EDIL3: variants seen among roughly 807,000 people sequenced by gnomAD.
EDIL3 encodes the protein EGF like and discoidin domains 3, also known as EGF-like repeat and discoidin I-like domain-containing protein 3.
A neutral mutation model predicts 67.4 loss-of-function variants in EDIL3; 37 were observed. The observed-to-expected ratio is 0.55, with a 90% CI of 0.42 to 0.72. The LOEUF is 0.72. EDIL3 is among the 30% of genes least tolerant of loss of function. The pLI is 0.00. For missense variants in EDIL3, 527 were observed against 586.3 expected (o/e 0.90, Z 1.04); for synonymous variants, 195 against 196.3 (o/e 0.99, Z 0.05).
chr5:83,963,814 T>A (rs902245643), intron 9 of EDIL3, among the ~76,000 whole-genome samples: 1 of 151,816 alleles, frequency 6.6e-6, no homozygotes, highest in East Asian at 1.9e-4. Flanking sequence ...TGTGTCCACA[T>A]CAGGGACAAA....
chr5:84,013,754 T>C (rs1377028698), intron 9 of EDIL3, among the ~76,000 whole-genome samples: 2 of 152,166 alleles, frequency 1.3e-5, no homozygotes, highest in Non-Finnish European at 2.9e-5. Context: ...GTGTATGATA[T>C]ACAAATATAC....
rs548036703 is a variant in EDIL3, at chr5:84,026,238, A to G, written c.1137+34062T>C. Among the ~76,000 whole-genome samples, 83 of 152,296 alleles carry G rather than the reference A, an allele frequency of 5.4e-4. 1 individual carries two copies. Among genetic ancestry groups the G allele is most frequent in the African/African-American group, 1.8e-3 (74 of 41,572 alleles). On this transcript the variant is annotated intron_variant, in intron 9 of 10. Transcript: ENST00000296591. ...TTGTAGGACACCACTGTTGGAGAAT[A>G]TAAGATTTCTGTTTTGATCCCACAG...
intron 9 of EDIL3, among the ~76,000 whole-genome samples, chr5:84,013,688 G>C (rs1357823318): frequency 6.6e-6 from 1 of 152,152 alleles, no homozygotes; most frequent in Admixed American, 6.5e-5. Flanking sequence ...ATGGTGGTAT[G>C]CATAAGTAGA....
chr5:84,027,402 T>C (rs1451557592), intron 9 of EDIL3, among the ~76,000 whole-genome samples: 2 of 152,300 alleles, frequency 1.3e-5, no homozygotes, highest in East Asian at 3.9e-4. Flanking sequence ...AAACATATGC[T>C]GTAAGAATTC....
At chr5:83,945,313 C>A (rs1381966495) in intron 10 of EDIL3, among the ~76,000 whole-genome samples, 1 of 151,942 alleles carries the variant, frequency 6.6e-6, no homozygotes, top group South Asian at 2.1e-4. Flanking sequence ...GTTGCTACTG[C>A]AACAGCAGAA....
intron 1 of EDIL3, among the ~76,000 whole-genome samples, chr5:84,328,753 G>T (rs1746815702): frequency 6.6e-6 from 1 of 152,048 alleles, no homozygotes; most frequent in Non-Finnish European, 1.5e-5. Flanking sequence ...CCTAACTGAG[G>T]TAAAATTCAA....
chr5:84,142,984 T>A (rs1240522040), intron 4 of EDIL3, among the ~76,000 whole-genome samples: 1 of 152,018 alleles, frequency 6.6e-6, no homozygotes, highest in East Asian at 1.9e-4. Flanking sequence ...TAACAACACA[T>A]CTTCCCTGGG....
At chr5:84,223,295 A>G (rs1276863559) in intron 3 of EDIL3, among the ~76,000 whole-genome samples, 1 of 151,738 alleles carries the variant, frequency 6.6e-6, no homozygotes, top group Admixed American at 6.6e-5. Context: ...TCTTTTCAGT[A>G]TATGCCCAGA....
chr5:84,254,244 T>C (rs1353562216), intron 1 of EDIL3, 32 bp from the exon 2 acceptor site: 3 of 1,557,546 alleles, frequency 1.9e-6, no homozygotes, highest in Non-Finnish European at 2.6e-6. Context: ...AAATTGACAT[T>C]TTTTTTTTGT....
chr5:84,150,269 A>C (rs1291934267), intron 4 of EDIL3, among the ~76,000 whole-genome samples: 4 of 152,216 alleles, frequency 2.6e-5, no homozygotes, highest in African/African-American at 9.6e-5. Flanking sequence ...TGTAGATTAC[A>C]AAGTGAAACT....
At chr5:84,367,344 G>A (rs1406194583) in intron 1 of EDIL3, among the ~76,000 whole-genome samples, 1 of 152,102 alleles carries the variant, frequency 6.6e-6, no homozygotes, top group Admixed American at 6.6e-5. Context: ...TGTGATCACA[G>A]CTCATTGCAG....
chr5:83,994,688 A>C (rs1745207349), intron 9 of EDIL3, among the ~76,000 whole-genome samples: 1 of 152,156 alleles, frequency 6.6e-6, no homozygotes, highest in African/African-American at 2.4e-5. Context: ...TTTCCAAATT[A>C]CTTCTTGCCT....
At chr5:84,026,535 T>C (rs534773335) in intron 9 of EDIL3, among the ~76,000 whole-genome samples, 7 of 152,324 alleles carry the variant, frequency 4.6e-5, no homozygotes, top group African/African-American at 1.4e-4. Context: ...TGGGCATTTC[T>C]ACCAAGTTCA....
At chr5:84,350,690 T>C (rs577454390) in intron 1 of EDIL3, among the ~76,000 whole-genome samples, 3 of 151,970 alleles carry the variant, frequency 2.0e-5, no homozygotes, top group Admixed American at 6.6e-5. Flanking sequence ...AAATATTCCA[T>C]GGACACATGT....
rs541059864 is a variant in EDIL3 at position 84,254,219 on chromosome 5, C to T, written c.68-7G>A. The T allele has an allele frequency of 1.3e-6, 2 of 1,591,906 alleles. No individual in the cohort carries two copies. The highest frequency in any genetic ancestry group is 3.6e-5 in the Admixed American group (2 of 55,078). On this transcript the variant is annotated splice_region_variant and splice_polypyrimidine_tract_variant and intron_variant, in intron 1 of 10. Transcript: ENST00000296591. Reference sequence around the variant, plus strand: ...TTGGGATCACAAATATCACCTAAGGCATAAAAAAAAACCGAAATTGACATT... The same window carrying T: ...TTGGGATCACAAATATCACCTAAGGTATAAAAAAAAACCGAAATTGACATT...
chr5:84,138,145 T>C lies in EDIL3; in HGVS notation c.356-791A>G, dbSNP rs551604895. Among the ~76,000 whole-genome samples, 3 of 152,202 alleles carry C rather than the reference T, an allele frequency of 2.0e-5. No individual in the cohort carries two copies. The South Asian group carries it at 6.2e-4, about 32-fold the overall frequency. On this transcript the variant is annotated intron_variant, in intron 4 of 10. Transcript: ENST00000296591. ...ATCATTCCCTTTTAGCAAAGCACCA[T>C]GCTGGATTCTGTGGGAGCCAGTACA...
chr5:83,958,971 G>A (rs530550958), intron 10 of EDIL3, among the ~76,000 whole-genome samples: 2 of 151,152 alleles, frequency 1.3e-5, no homozygotes, highest in Non-Finnish European at 3.0e-5. Flanking sequence ...ACTGTAATGA[G>A]AGTGTCATCA....
chr5:84,254,081 T>G lies in EDIL3; in HGVS notation c.196+3A>C, dbSNP rs757974116. On this transcript the variant is annotated splice_donor_region_variant and intron_variant, in intron 2 of 10. Transcript: ENST00000296591. Reference sequence around the variant, plus strand: ...TACTGAAATACTTAAATTTTGCACTTACCAACCTCCACAACACTAGAACAG... The same window carrying G: ...TACTGAAATACTTAAATTTTGCACTGACCAACCTCCACAACACTAGAACAG... The G allele has an allele frequency of 4.5e-5, 72 of 1,586,416 alleles. No homozygotes were observed. Among genetic ancestry groups the G allele is most frequent in the Non-Finnish European group, 6.0e-5 (70 of 1,168,742 alleles).
At chr5:84,046,347 T>C (rs550242824) in intron 9 of EDIL3, among the ~76,000 whole-genome samples, 9 of 152,260 alleles carry the variant, frequency 5.9e-5, no homozygotes, top group Non-Finnish European at 1.2e-4. Flanking sequence ...GGACTGGGCA[T>C]TGGAGAGGCT....
Sources: gnomAD v4.1 joint callset for allele counts (sites outside exome capture counted in the v4.1 genomes callset) on GRCh38, gnomAD v4.1.1 for gene constraint, MANE v1.5 for transcripts, NCBI Gene and HGNC (gene_info 2026-07-23, HGNC 2026-07-21) for gene names.